TAFA1: variants seen among roughly 807,000 people sequenced by gnomAD.
The protein encoded by TAFA1 is chemokine-like protein TAFA-1.
TAFA1 carries 4 observed loss-of-function variants against 18.5 expected under a neutral mutation model. The ratio of observed to expected loss-of-function variants is 0.22; its 90% confidence interval spans 0.11 to 0.49. TAFA1 has a LOEUF of 0.49. Ranked by LOEUF, TAFA1 falls within the 20% of genes least tolerant of loss-of-function variation. The pLI is 0.98. For missense variants in TAFA1, 147 were observed against 169.0 expected, an observed-to-expected ratio of 0.87 and a Z score of 0.72; for synonymous variants, 56 against 55.2, an observed-to-expected ratio of 1.01 and a Z score of -0.06.
rs1418755480 is a variant in TAFA1 at position 68,405,971 on chromosome 3, C to T, written c.119-11309C>T. Reference sequence around the variant, plus strand: ...ATGGCAGCCCTTATTTATAGTATACCTACTATGTGCTGCTCGATTTATTAA... The same window carrying T: ...ATGGCAGCCCTTATTTATAGTATACTTACTATGTGCTGCTCGATTTATTAA... On this transcript the variant is annotated intron_variant, in intron 2 of 4. Transcript: ENST00000478136. Among the ~76,000 whole-genome samples the T allele has an allele frequency of 1.1e-4, 17 of 151,882 alleles. 1 individual carries two copies. In the South Asian group the frequency reaches 3.3e-3, roughly 30 times the overall value.
chr3:68,399,979 C>G (rs2070457332), intron 2 of TAFA1, among the ~76,000 whole-genome samples: 1 of 152,152 alleles, frequency 6.6e-6, no homozygotes, highest in East Asian at 1.9e-4. Flanking sequence ...AAGGTGAGCT[C>G]ACATTTTAAA....
intron 2 of TAFA1, among the ~76,000 whole-genome samples, chr3:68,394,058 C>G (rs778599986): frequency 2.8e-4 from 43 of 151,212 alleles, no homozygotes; most frequent in Non-Finnish European, 4.4e-4. Context: ...AAAACCACAT[C>G]GTCTCAATCC....
At chr3:68,440,453 G>A (rs755385015) in intron 3 of TAFA1, among the ~76,000 whole-genome samples, 3 of 152,174 alleles carry the variant, frequency 2.0e-5, no homozygotes, top group Non-Finnish European at 2.9e-5. Context: ...TATAGCACAA[G>A]TGTATACATG....
intron 3 of TAFA1, among the ~76,000 whole-genome samples, chr3:68,502,350 G>GA (rs1005754599): frequency 6.0e-5 from 9 of 149,770 alleles, no homozygotes; most frequent in African/African-American, 9.8e-5. Context: ...AGAACACACA[G>GA]AAAAAAAAAG....
chr3:68,429,351 C>A (rs1242027037), intron 3 of TAFA1, among the ~76,000 whole-genome samples: 2 of 151,894 alleles, frequency 1.3e-5, no homozygotes, highest in Middle Eastern at 6.8e-3. Context: ...CTTATAATAG[C>A]CTTATAAGAT....
At chr3:68,016,204 CAT>C (rs1208076472) in intron 2 of TAFA1, among the ~76,000 whole-genome samples, 1 of 152,146 alleles carries the variant, frequency 6.6e-6, no homozygotes, top group Admixed American at 6.5e-5. Context: ...GACTTTAAGA[CAT>C]TGCTTAATTG....
chr3:68,504,654 A>T (rs946717394), intron 3 of TAFA1, among the ~76,000 whole-genome samples: 5 of 152,044 alleles, frequency 3.3e-5, no homozygotes, highest in Non-Finnish European at 5.9e-5. Context: ...CCAAATCAAA[A>T]TTGTACCTCA....
intron 3 of TAFA1, among the ~76,000 whole-genome samples, chr3:68,423,003 A>T (rs1163650941): frequency 6.6e-6 from 1 of 152,028 alleles, no homozygotes; most frequent in Non-Finnish European, 1.5e-5. Context: ...GAGGTTGATG[A>T]CTCAAAACAC....
chr3:68,301,551 A>G (rs1196689108), intron 2 of TAFA1, among the ~76,000 whole-genome samples: 1 of 152,196 alleles, frequency 6.6e-6, no homozygotes, highest in Non-Finnish European at 1.5e-5. Flanking sequence ...AGTTTACCAG[A>G]TGGTGAGGAG....
At chr3:68,384,732 A>G (rs1033364926) in intron 2 of TAFA1, among the ~76,000 whole-genome samples, 1 of 151,816 alleles carries the variant, frequency 6.6e-6, no homozygotes, top group African/African-American at 2.4e-5. Flanking sequence ...TGAATTTTCT[A>G]CCTCAATAAT....
intron 3 of TAFA1, among the ~76,000 whole-genome samples, chr3:68,461,144 T>C (rs1553825): frequency 0.23 from 34,548 of 151,286 alleles, 4,323 homozygotes; most frequent in East Asian, 0.43. Flanking sequence ...TAGCTGGGCG[T>C]TGTGATGCAT....
At chr3:67,994,570 C>T in the TAFA1 span, among the ~76,000 whole-genome samples, 1 of 152,186 alleles carries the variant, frequency 6.6e-6, no homozygotes, top group Non-Finnish European at 1.5e-5. Flanking sequence ...GTTGAGTGGA[C>T]TTTCAGATTG....
intron 3 of TAFA1, among the ~76,000 whole-genome samples, chr3:68,450,595 G>A (rs2071553880): frequency 6.6e-6 from 1 of 152,172 alleles, no homozygotes; most frequent in Middle Eastern, 3.2e-3. Context: ...GCACAAGAGT[G>A]AAAAGAATCC....
Position 68,339,652 on chromosome 3 carries a change from A to G in TAFA1, c.119-77628A>G, listed in dbSNP as rs563454059. Among the ~76,000 whole-genome samples the G allele has an allele frequency of 1.2e-3, 184 of 152,348 alleles. 3 individuals are homozygous for G. Among genetic ancestry groups the G allele is most frequent in the Non-Finnish European group, 4.9e-4 (33 of 68,028 alleles). ...GCAGTGTGTACAACTCTACTTAAAC[A>G]TTGCCAGTGTTTTTGAATATGCTGT... On this transcript the variant is annotated intron_variant, in intron 2 of 4. Transcript: ENST00000478136.
intron 2 of TAFA1, among the ~76,000 whole-genome samples, chr3:68,405,928 A>C (rs576463394): frequency 4.6e-5 from 7 of 151,902 alleles, no homozygotes; most frequent in Non-Finnish European, 1.0e-4. Context: ...TTCAATTTTT[A>C]TATTAATAAC....
chr3:68,042,098 T>C (rs1486509765), intron 2 of TAFA1, among the ~76,000 whole-genome samples: 1 of 152,200 alleles, frequency 6.6e-6, no homozygotes, highest in African/African-American at 2.4e-5. Flanking sequence ...GAGCCTTCTT[T>C]TTCTCATGAC....
intron 4 of TAFA1, among the ~76,000 whole-genome samples, chr3:68,541,676 G>T (rs910930258): frequency 6.6e-6 from 1 of 151,812 alleles, no homozygotes; most frequent in East Asian, 1.9e-4. Context: ...AATAAAGTTG[G>T]GGAAACACAC....
chr3:68,114,356 G>A (rs1361235170), intron 2 of TAFA1, among the ~76,000 whole-genome samples: 2 of 152,152 alleles, frequency 1.3e-5, no homozygotes, highest in Non-Finnish European at 2.9e-5. Flanking sequence ...GCTAAATAAT[G>A]CTTATTGTTT....
intron 2 of TAFA1, among the ~76,000 whole-genome samples, chr3:68,397,063 A>C (rs1398580999): frequency 1.3e-5 from 2 of 152,188 alleles, no homozygotes; most frequent in Admixed American, 1.3e-4. Flanking sequence ...AAAGACTTAA[A>C]CAAAACTATG....
Sources: gnomAD v4.1 joint callset for allele counts (sites outside exome capture counted in the v4.1 genomes callset) on GRCh38, gnomAD v4.1.1 for gene constraint, MANE v1.5 for transcripts, NCBI Gene and HGNC (gene_info 2026-07-23, HGNC 2026-07-21) for gene names.